ZNF287: variants seen among roughly 807,000 people sequenced by gnomAD.
ZNF287 encodes zinc finger protein with KRAB and SCAN domains 13.
A neutral mutation model predicts 73.7 loss-of-function variants in ZNF287; 31 were observed. The observed-to-expected ratio is 0.42, with a 90% CI of 0.32 to 0.57. ZNF287 has a LOEUF of 0.57. ZNF287 is among the 20% of genes least tolerant of loss of function. The probability of loss-of-function intolerance (pLI) is 0.13; values close to 1 mark genes in which losing one functional copy is unlikely to be tolerated. For missense variants in ZNF287, 641 were observed against 909.3 expected (o/e 0.70, Z 3.79); for synonymous variants, 301 against 307.2 (o/e 0.98, Z 0.21).
At chr17:16,566,033 A>T (rs1049026351) in intron 3 of ZNF287, among the ~76,000 whole-genome samples, 2 of 152,204 alleles carry the variant, frequency 1.3e-5, no homozygotes, top group East Asian at 1.9e-4. Flanking sequence ...GACAGAATGC[A>T]TGGCCTTTAA....
chr17:16,567,777 A>G lies in ZNF287; in HGVS notation c.-46T>C. On this transcript the variant is annotated 5_prime_UTR_variant, in exon 2 of 6. Coordinates refer to ENST00000395825, the MANE Select transcript of ZNF287 (RefSeq NM_020653.4). ...ATCTGGCAATATCCTTTATTTCTCC[A>G]GTAGTGAGCCAACTGCTTGAAGTCT... 1 of 1,550,072 alleles carries G rather than the reference A, an allele frequency of 6.5e-7. No homozygotes were observed. The highest frequency in any genetic ancestry group is 8.7e-7 in the Non-Finnish European group (1 of 1,151,876).
chr17:16,561,102 G>C (rs1439346802), intron 5 of ZNF287, among the ~76,000 whole-genome samples: 2 of 152,158 alleles, frequency 1.3e-5, no homozygotes, highest in Non-Finnish European at 1.5e-5. Flanking sequence ...GATCACCTGA[G>C]GTCAGGAGTT....
At chr17:16,566,065 T>C (rs1490701062) in intron 3 of ZNF287, among the ~76,000 whole-genome samples, 2 of 152,170 alleles carry the variant, frequency 1.3e-5, no homozygotes, top group African/African-American at 4.8e-5. Flanking sequence ...TGAGGAAAAA[T>C]AATAGTAACA....
intron 3 of ZNF287, 34 bp from the exon 4 acceptor site, chr17:16,563,859 G>T: frequency 1.2e-6 from 2 of 1,605,974 alleles, no homozygotes; most frequent in South Asian, 1.1e-5. Flanking sequence ...CTCAGTTCAA[G>T]AACTAATGGC....
chr17:16,560,389 GC>G (rs1907358541), intron 5 of ZNF287, among the ~76,000 whole-genome samples: 1 of 149,292 alleles, frequency 6.7e-6, no homozygotes, highest in Non-Finnish European at 1.5e-5. Context: ...TAGCTCTGTT[GC>G]CCAGGCTGGA....
rs1907934575 is a variant in ZNF287 at position 16,569,167 on chromosome 17, G to A, written c.-414C>T. The stretch of plus-strand genomic sequence containing the variant: ...TGAGAAGCCCGGCCCAGAAACCCCG[G>A]CGCCTCTGCTTAGCCGCGACCTCGC... On this transcript the variant is annotated 5_prime_UTR_variant, in exon 1 of 6. Coordinates refer to ENST00000395825, the MANE Select transcript of ZNF287 (RefSeq NM_020653.4). 6.6e-6 allele frequency: 1 copy of A among 152,548 alleles called. No homozygotes were observed. The highest frequency in any genetic ancestry group is 2.1e-4 in the South Asian group (1 of 4,834). 9.4% of individuals were successfully genotyped at this position (152,548 alleles called of 1,614,324 possible).
Position 16,567,507 on chromosome 17 carries a change from A to C in ZNF287, c.225T>G (p.Leu75=), listed in dbSNP as rs1717086828. 6.2e-7 allele frequency: 1 copy of C among 1,614,068 alleles called. No homozygotes were observed. The highest frequency in any genetic ancestry group is 8.5e-7 in the Non-Finnish European group (1 of 1,180,034). ...AGTGAATCTCAGGTCTCAGCCACTT[A>C]AGGCAGAGCTCTCGGAGTTGACTCA... is the stretch of plus-strand genomic sequence containing the variant. The part of the protein sequence containing the change: ...KALSQLRELC[L]KWLRPEIHSK... The change falls in exon 2 of 6, where the codon CTT becomes CTG. Residue 75 remains leucine (L), a synonymous_variant. Transcript: ENST00000395825.
rs1406147851 is a variant in ZNF287, at chr17:16,552,685, C to A, written c.1457G>T (p.Gly486Val). The change falls in exon 6 of 6, where the codon GGT (glycine) becomes GTT (valine). Residue 486 changes from glycine (G) to valine (V), a missense_variant. By Grantham distance (109) the Gly-to-Val change is moderately radical (BLOSUM62 -3). Transcript: ENST00000395825. The surrounding 1 kb of genome is among the most constrained non-coding windows in gnomAD (Gnocchi z 6.5). ...GEKPYKCLEC[G>V]KTFSHSSSLI... ...TGATGAACTATGACTGAAGGTTTTA[C>A]CACATTCCAAGCATTTATATGGTTT... is the stretch of plus-strand genomic sequence containing the variant. 17 of 1,614,098 alleles carry A rather than the reference C, an allele frequency of 1.1e-5. No homozygotes were observed. The highest frequency in any genetic ancestry group is 1.4e-5 in the Non-Finnish European group (17 of 1,180,014).
chr17:16,558,970 C>T (rs1428728646), intron 5 of ZNF287: 4 of 151,626 alleles, frequency 2.6e-5, no homozygotes, highest in African/African-American at 9.7e-5. Flanking sequence ...GAGTGAGACT[C>T]TGTCTCAACA....
chr17:16,548,155 C>T lies in ZNF287; in HGVS notation c.*3701G>A, dbSNP rs1164438762. On this transcript the variant is annotated 3_prime_UTR_variant, in exon 6 of 6. Transcript: ENST00000395825. ...AACGATCACCGTTGGTTACTTTTTACCAGGTAAAAAGTTGTTGGCAATCAA... is the reference window on the plus strand; with the variant it reads ...AACGATCACCGTTGGTTACTTTTTATCAGGTAAAAAGTTGTTGGCAATCAA... Among the ~76,000 whole-genome samples the T allele has an allele frequency of 6.6e-6, 1 of 152,150 alleles. No homozygotes were observed. Among genetic ancestry groups the T allele is most frequent in the Non-Finnish European group, 1.5e-5 (1 of 68,018 alleles).
At position 16,548,362 on chromosome 17, in the gene ZNF287, T is replaced by C. The variant is rs1424281613; in HGVS notation, c.*3494A>G. ...ATCTGTGAGGTGTTATCATTAAAAA[T>C]GTTTAAACAACCCAATCAAGCCTTT... On this transcript the variant is annotated 3_prime_UTR_variant, in exon 6 of 6. Coordinates refer to ENST00000395825, the MANE Select transcript of ZNF287 (RefSeq NM_020653.4). 2.0e-5 allele frequency among the ~76,000 whole-genome samples: 3 copies of C among 152,160 alleles called. No homozygotes were observed. Among genetic ancestry groups the C allele is most frequent in the Non-Finnish European group, 4.4e-5 (3 of 68,018 alleles).
At chr17:16,563,088 C>A in intron 5 of ZNF287, 58 bp downstream of exon 5, 1 of 1,339,160 alleles carries the variant, frequency 7.5e-7, no homozygotes, top group Non-Finnish European at 1.1e-6. Flanking sequence ...CATTTCTCAC[C>A]ACATTTAGGA....
Position 16,547,295 on chromosome 17 carries a change from A to C in ZNF287, c.*4561T>G, listed in dbSNP as rs1906322729. On this transcript the variant is annotated 3_prime_UTR_variant, in exon 6 of 6. Transcript: ENST00000395825. ...TAAGTTATAGACATATAATAGTTAA[A>C]ACACAACGTATTAGGTATACATCTA... 6.6e-6 allele frequency among the ~76,000 whole-genome samples: 1 copy of C among 152,190 alleles called. No individual in the cohort carries two copies. Among genetic ancestry groups the C allele is most frequent in the African/African-American group, 2.4e-5 (1 of 41,434 alleles).
In ZNF287 at chr17:16,552,949, C is replaced by T. The variant is rs767131959; in HGVS notation, c.1193G>A (p.Cys398Tyr). The change falls in exon 6 of 6, where the codon TGT becomes TAT. Residue 398 changes from cysteine to tyrosine, a missense_variant. Physicochemically the swap from Cys to Tyr is radical, Grantham distance 194. Transcript: ENST00000395825. This position sits in a 1 kb window ranked among gnomAD's most constrained non-coding sequence, Gnocchi z 6.5. ...STHAKEKSYE[C>Y]EECGKEFRHI... ...CCTAAACTCTTTCCCACATTCTTCACATTCATACGATTTCTCTTTGGCATG... is the reference window on the plus strand; with the variant it reads ...CCTAAACTCTTTCCCACATTCTTCATATTCATACGATTTCTCTTTGGCATG... 2 of 1,614,170 alleles carry T rather than the reference C, an allele frequency of 1.2e-6. No homozygotes were observed. Among genetic ancestry groups the T allele is most frequent in the Non-Finnish European group, 8.5e-7 (1 of 1,180,032 alleles).
chr17:16,554,788 T>C (rs1906931339), intron 5 of ZNF287, among the ~76,000 whole-genome samples: 1 of 152,074 alleles, frequency 6.6e-6, no homozygotes, highest in South Asian at 2.1e-4. Flanking sequence ...GATGTGGTGG[T>C]GTGCACCTGT....
At chr17:16,558,786 G>T (rs1474216678) in intron 5 of ZNF287, among the ~76,000 whole-genome samples, 1 of 152,096 alleles carries the variant, frequency 6.6e-6, no homozygotes, top group Non-Finnish European at 1.5e-5. Flanking sequence ...AGACCAGTCT[G>T]GGAAACATGG....
intron 5 of ZNF287, among the ~76,000 whole-genome samples, chr17:16,559,572 A>AACAC (rs148356389): frequency 0.65 from 95,779 of 147,266 alleles, 31,173 homozygotes; most frequent in East Asian, 0.86. Context: ...TAAAAGAACT[A>AACAC]ACACACACAC....
rs1361537638 is a variant in ZNF287, at chr17:16,551,987, G to T, written c.2155C>A (p.Leu719Ile). The T allele has an allele frequency of 5.6e-6, 9 of 1,614,044 alleles. No individual in the cohort carries two copies. Among genetic ancestry groups the T allele is most frequent in the Non-Finnish European group, 7.6e-6 (9 of 1,179,970 alleles). The change falls in exon 6 of 6, where the codon CTT becomes ATT. Residue 719 changes from leucine to isoleucine, a missense_variant. Physicochemically the swap from Leu to Ile is conservative, Grantham distance 5. This residue lies in a region of ZNF287 where 284 missense variants were observed against 466.8 expected (regional missense o/e 0.61). Transcript: ENST00000395825. Reference protein sequence around the residue: ...CDKDFSQRTCLIQHQRIHTGE... With the variant: ...CDKDFSQRTCIIQHQRIHTGE... ...GTGTGAATTCTCTGGTGTTGAATAA[G>T]GCATGTTCTCTGGCTAAAATCCTTA...
At chr17:16,559,176 G>C (rs1907261550) in intron 5 of ZNF287, 1 of 152,048 alleles carries the variant, frequency 6.6e-6, no homozygotes, top group African/African-American at 2.4e-5. Context: ...TAGGTGGGAA[G>C]AGAGCAGAAG....
Sources: allele counts gnomAD v4.1 joint callset (sites outside exome capture counted in the v4.1 genomes callset), GRCh38; gene constraint gnomAD v4.1.1; regional missense constraint gnomAD v4.1.1; non-coding constraint Gnocchi (gnomAD v3.1); transcripts MANE v1.5; gene names NCBI Gene and HGNC (gene_info 2026-07-23, HGNC 2026-07-21).